RTN4: variants seen among roughly 807,000 people sequenced by gnomAD.
RTN4 encodes the protein reticulon 4.
Under a neutral mutation model 90.4 loss-of-function variants are expected in RTN4, and 32 were observed. That is an observed-to-expected ratio of 0.35 (90% CI 0.27 to 0.48). RTN4 has a LOEUF of 0.48. Among genes scored for constraint, RTN4 ranks in the 20% least tolerant of loss-of-function variants. The pLI is 0.99. For synonymous variants in RTN4, 629 were observed against 552.5 expected, an observed-to-expected ratio of 1.14 and a Z score of -1.94; for missense variants, 1,706 against 1,430.2, an observed-to-expected ratio of 1.19 and a Z score of -3.11.
chr2:55,056,336 G>A (rs1259858879), intron 2 of RTN4: 1 of 152,064 alleles, frequency 6.6e-6, no homozygotes, highest in Non-Finnish European at 1.5e-5. Context: ...CTGCATTCAG[G>A]TAACCCTTAT....
intron 3 of RTN4, among the ~76,000 whole-genome samples, chr2:55,002,747 A>AT (rs1383121396): frequency 6.6e-6 from 1 of 152,148 alleles, no homozygotes; most frequent in African/African-American, 2.4e-5. Context: ...AGTATGTTGG[A>AT]TATACATGAC....
intron 1 of RTN4, among the ~76,000 whole-genome samples, chr2:55,030,144 T>TA (rs1210568778): frequency 2.6e-5 from 4 of 152,176 alleles, no homozygotes; most frequent in African/African-American, 9.6e-5. Context: ...ATATTACTGT[T>TA]AAAGTTAGTG....
In RTN4 at chr2:55,070,869, C is replaced by T. The variant is rs527260154; in HGVS notation, c.-63+9620G>A. On this transcript the variant is annotated intron_variant, in intron 2 of 3. Coordinates refer to the RTN4 transcript ENST00000427710. ...TCGGCTCACTGCAAGCTCTGTCTCC[C>T]GGGTTCACGCCATTCTCCTGCCTCA... 5.3e-5 allele frequency among the ~76,000 whole-genome samples: 8 copies of T among 151,800 alleles called. 1 individual carries two copies. Among genetic ancestry groups the T allele is most frequent in the South Asian group, 4.2e-4 (2 of 4,784 alleles).
intron 1 of RTN4, among the ~76,000 whole-genome samples, chr2:55,045,970 T>G (rs1460933955): frequency 2.6e-5 from 4 of 152,214 alleles, no homozygotes; most frequent in African/African-American, 9.6e-5. Flanking sequence ...AAAATGGCCC[T>G]CAAGTGAGAG....
chr2:55,033,099 A>G (rs1468399098), intron 1 of RTN4, among the ~76,000 whole-genome samples: 3 of 151,830 alleles, frequency 2.0e-5, no homozygotes, highest in African/African-American at 7.3e-5. Context: ...AGAAGTTGGC[A>G]TTTTGAAAAT....
At chr2:55,063,826 A>C (rs1668344559) in intron 2 of RTN4, among the ~76,000 whole-genome samples, 1 of 151,828 alleles carries the variant, frequency 6.6e-6, no homozygotes, top group African/African-American at 2.4e-5. Context: ...GGTTACAGTG[A>C]GCGGAGACTG....
At position 55,027,501 on chromosome 2, in the gene RTN4, G is replaced by T. The variant is rs886503325; in HGVS notation, c.614-16C>A. ...TCCATATTTTCTGTGACCATGGACA[G>T]AAAGGAAAGTTAGAGAATGCCAGTG... is the stretch of plus-strand genomic sequence containing the variant. On this transcript the variant is annotated splice_polypyrimidine_tract_variant and intron_variant, in intron 2 of 8. Coordinates refer to ENST00000337526, the MANE Select transcript of RTN4 (RefSeq NM_020532.5). 95 of 1,575,902 alleles carry T rather than the reference G, an allele frequency of 6.0e-5. No individual in the cohort carries two copies. The Admixed American group carries it at 1.8e-3, about 30-fold the overall frequency.
chr2:55,019,023 C>T (rs1289888883), intron 3 of RTN4, among the ~76,000 whole-genome samples: 1 of 152,106 alleles, frequency 6.6e-6, no homozygotes, highest in Non-Finnish European at 1.5e-5. Flanking sequence ...AAATGCTCCC[C>T]TCCCAACCCC....
At chr2:55,047,203 G>C (rs1350800923) in intron 1 of RTN4, among the ~76,000 whole-genome samples, 3 of 151,814 alleles carry the variant, frequency 2.0e-5, no homozygotes, top group Non-Finnish European at 4.4e-5. Context: ...GGTGGCAGGC[G>C]CCTGTAATCC....
chr2:54,992,998 C>G (rs986012446), intron 3 of RTN4, among the ~76,000 whole-genome samples: 8 of 149,224 alleles, frequency 5.4e-5, no homozygotes, highest in African/African-American at 7.5e-5. Context: ...GGCGTGAACC[C>G]GAGAGGCGGA....
At chr2:55,006,179 TGA>T (rs1336476500) in intron 3 of RTN4, among the ~76,000 whole-genome samples, 1 of 152,180 alleles carries the variant, frequency 6.6e-6, no homozygotes, top group Non-Finnish European at 1.5e-5. Flanking sequence ...CTATGCGATG[TGA>T]GTTTTACTCT....
chr2:55,130,286 A>T, the RTN4 span, among the ~76,000 whole-genome samples: 1 of 152,258 alleles, frequency 6.6e-6, no homozygotes, highest in Non-Finnish European at 1.5e-5. Flanking sequence ...ATATTTAAAC[A>T]TGTACACTCC....
chr2:55,025,352 G>A lies in RTN4; in HGVS notation c.2747C>T (p.Pro916Leu), dbSNP rs777915924. Residue 916 changes from proline to leucine, a missense_variant, in exon 3 of 9, where the codon CCC becomes CTC. By Grantham distance (98) the Pro-to-Leu change is moderately conservative. Transcript: ENST00000337526. Reference sequence around the variant, plus strand: ...TATGTTCTTCAAAGAAAGGTCATGGGGCAATTCTGTGCAAGGCAATGACCC... The same window carrying A: ...TATGTTCTTCAAAGAAAGGTCATGGAGCAATTCTGTGCAAGGCAATGACCC... ...GAGSLPCTEL[P>L]HDLSLKNIQP... 8 of 1,613,706 alleles carry A rather than the reference G, an allele frequency of 5.0e-6. No individual in the cohort carries two copies. The South Asian group carries it at 7.7e-5, about 16-fold the overall frequency.
chr2:55,059,450 C>A (rs564037045), intron 2 of RTN4, among the ~76,000 whole-genome samples: 1 of 152,188 alleles, frequency 6.6e-6, no homozygotes, highest in African/African-American at 2.4e-5. Flanking sequence ...ACACCCCAGG[C>A]TCAAGCCATC....
Position 55,026,205 on chromosome 2 carries a change from T to G in RTN4, c.1894A>C (p.Ile632Leu), listed in dbSNP as rs368122927. 6.2e-7 allele frequency: 1 copy of G among 1,613,614 alleles called. No homozygotes were observed. The highest frequency in any genetic ancestry group is 8.5e-7 in the Non-Finnish European group (1 of 1,179,882). Residue 632 changes from isoleucine (I) to leucine (L), a missense_variant, in exon 3 of 9, where the codon ATA (isoleucine) becomes CTA (leucine). By Grantham distance (5) the Ile-to-Leu change is conservative. Coordinates refer to ENST00000337526, the MANE Select transcript of RTN4 (RefSeq NM_020532.5). Reference protein sequence around the residue: ...SAVPSAGASVIQPSSSPLEAS... With the variant: ...SAVPSAGASVLQPSSSPLEAS... The stretch of plus-strand genomic sequence containing the variant: ...TCTAATGGTGATGAGCTGGGCTGTA[T>G]CACGGAAGCACCAGCACTAGGAACT...
intron 1 of RTN4, among the ~76,000 whole-genome samples, chr2:55,030,796 T>C (rs1477265982): frequency 6.6e-6 from 1 of 152,216 alleles, no homozygotes; most frequent in Non-Finnish European, 1.5e-5. Context: ...TATGTACAAG[T>C]GCAACTGGTG....
At chr2:55,127,859 C>G in the RTN4 span, among the ~76,000 whole-genome samples, 3 of 152,096 alleles carry the variant, frequency 2.0e-5, no homozygotes, top group East Asian at 5.8e-4. Context: ...TTCAGTGAAA[C>G]CTTGTAATGA....
chr2:55,019,422 G>A (rs1159490798), intron 3 of RTN4, among the ~76,000 whole-genome samples: 1 of 152,178 alleles, frequency 6.6e-6, no homozygotes, highest in Non-Finnish European at 1.5e-5. Context: ...CTGCAAGGGA[G>A]AAACAAAGAC....
chr2:55,025,917 C>G lies in RTN4; in HGVS notation c.2182G>C (p.Val728Leu). 1.2e-6 allele frequency: 2 copies of G among 1,613,386 alleles called. No homozygotes were observed. Among genetic ancestry groups the G allele is most frequent in the Non-Finnish European group, 1.7e-6 (2 of 1,179,776 alleles). Reference protein sequence around the residue: ...YSEMAKVEQPVPDHSELVEDS... With the variant: ...YSEMAKVEQPLPDHSELVEDS... ...TCAACTAGCTCAGAATGATCAGGCA[C>G]TGGCTGTTCAACTTTTGCCATTTCT... The change falls in exon 3 of 9, where the codon GTG (valine) becomes CTG (leucine). Residue 728 changes from valine to leucine, a missense_variant. Physicochemically the swap from Val to Leu is conservative, Grantham distance 32. Coordinates refer to ENST00000337526, the MANE Select transcript of RTN4 (RefSeq NM_020532.5).
Sources: allele counts gnomAD v4.1 joint callset (sites outside exome capture counted in the v4.1 genomes callset), GRCh38; gene constraint gnomAD v4.1.1; transcripts MANE v1.5; gene names NCBI Gene and HGNC (gene_info 2026-07-23, HGNC 2026-07-21).